FAM78B: variants seen among roughly 807,000 people sequenced by gnomAD.
FAM78B encodes protein FAM78B.
FAM78B carries 10 observed loss-of-function variants against 20.0 expected under a neutral mutation model. The ratio of observed to expected loss-of-function variants is 0.50; its 90% CI spans 0.31 to 0.85. The LOEUF (loss-of-function observed/expected upper bound fraction) is 0.85. Ranked by LOEUF, FAM78B falls within the 40% of genes least tolerant of loss-of-function variation. The pLI, the probability that FAM78B is intolerant of heterozygous loss-of-function variation, is 0.05. For synonymous variants in FAM78B, 135 were observed against 132.8 expected (o/e 1.02, Z -0.12); for missense variants, 283 against 345.0 (o/e 0.82, Z 1.42).
intron 1 of FAM78B, among the ~76,000 whole-genome samples, chr1:166,143,275 G>A (rs528723540): frequency 1.1e-4 from 17 of 152,238 alleles, no homozygotes; most frequent in African/African-American, 4.1e-4. Flanking sequence ...GGGCTCTGGG[G>A]AGATGCACAG....
chr1:166,082,108 C>T (rs924687855), intron 1 of FAM78B, among the ~76,000 whole-genome samples: 2 of 152,174 alleles, frequency 1.3e-5, no homozygotes, highest in African/African-American at 4.8e-5. Context: ...ATAAAATGTA[C>T]ATCAGGCCAT....
chr1:166,072,477 G>T (rs746409041), intron 1 of FAM78B, among the ~76,000 whole-genome samples: 2 of 152,170 alleles, frequency 1.3e-5, no homozygotes, highest in East Asian at 3.8e-4. Context: ...TTGCAGCTGG[G>T]GGGTAGTAGC....
intron 1 of FAM78B, among the ~76,000 whole-genome samples, chr1:166,077,128 C>T (rs1283175329): frequency 6.6e-6 from 1 of 152,076 alleles, no homozygotes; most frequent in Non-Finnish European, 1.5e-5. Flanking sequence ...TAAAGATATG[C>T]TGGTGGAAGC....
chr1:166,105,798 C>T (rs1254522705), intron 1 of FAM78B, among the ~76,000 whole-genome samples: 3 of 151,422 alleles, frequency 2.0e-5, no homozygotes, highest in South Asian at 2.1e-4. Flanking sequence ...GTCAGTGTGG[C>T]GATTCCTCAG....
chr1:166,122,911 T>C (rs1194022351), intron 1 of FAM78B, among the ~76,000 whole-genome samples: 7 of 152,152 alleles, frequency 4.6e-5, no homozygotes, highest in Admixed American at 4.6e-4. Context: ...TATTCACAGC[T>C]ATCTGAGGCC....
intron 1 of FAM78B, among the ~76,000 whole-genome samples, chr1:166,096,228 G>A (rs1653268967): frequency 6.6e-6 from 1 of 152,184 alleles, no homozygotes; most frequent in Non-Finnish European, 1.5e-5. Context: ...GAGAATATAA[G>A]TTTGGATTTC....
At chr1:166,079,402 T>G (rs1652476489) in intron 1 of FAM78B, among the ~76,000 whole-genome samples, 1 of 152,224 alleles carries the variant, frequency 6.6e-6, no homozygotes. Flanking sequence ...CTCCAGAGTC[T>G]ATTCAGGCCT....
At chr1:166,094,558 G>A (rs1201436109) in intron 1 of FAM78B, among the ~76,000 whole-genome samples, 2 of 152,180 alleles carry the variant, frequency 1.3e-5, no homozygotes, top group Non-Finnish European at 2.9e-5. Context: ...GATCTGTCAG[G>A]GCAGATGTTC....
intron 2 of FAM78B, among the ~76,000 whole-genome samples, chr1:166,061,405 C>A (rs1050527076): frequency 5.3e-5 from 8 of 151,928 alleles, no homozygotes; most frequent in African/African-American, 1.9e-4. Flanking sequence ...CAGGGATGTA[C>A]TGCTATAATG....
At chr1:166,121,799 C>G (rs1654473139) in intron 1 of FAM78B, among the ~76,000 whole-genome samples, 1 of 152,092 alleles carries the variant, frequency 6.6e-6, no homozygotes, top group Non-Finnish European at 1.5e-5. Flanking sequence ...AGCAACTTGC[C>G]CAAAGTCGTA....
rs12028297 is a variant in FAM78B, at chr1:166,076,617, T to G, written c.264-5854A>C. The stretch of plus-strand genomic sequence containing the variant: ...GCTAACGGTCTGTCTCCCCTCACCC[T>G]ACTCTCCAAATATAATCCCTAAGGC... On this transcript the variant is annotated intron_variant, in intron 1 of 1. Transcript: ENST00000354422. Among the ~76,000 whole-genome samples the G allele has an allele frequency of 2.0e-5, 3 of 152,318 alleles. No individual in the cohort carries two copies. The East Asian group carries it at 5.8e-4, about 29-fold the overall frequency.
At chr1:166,056,846 C>T (rs1651364070), downstream of FAM78B, among the ~76,000 whole-genome samples, 1 of 152,066 alleles carries the variant, frequency 6.6e-6, no homozygotes, top group African/African-American at 2.4e-5. Flanking sequence ...TATTTGTATC[C>T]CCCACAAATT....
intron 1 of FAM78B, among the ~76,000 whole-genome samples, chr1:166,152,844 A>AT (rs1655735829): frequency 6.6e-6 from 1 of 151,872 alleles, no homozygotes; most frequent in African/African-American, 2.4e-5. Context: ...CACCCAGCTA[A>AT]TTTTTGTATT....
rs538157614 is a variant in FAM78B, at chr1:166,070,176, C to T, written c.*65G>A. 3 of 1,441,928 alleles carry T rather than the reference C, an allele frequency of 2.1e-6. No individual in the cohort carries two copies. The highest frequency in any genetic ancestry group is 2.4e-5 in the Admixed American group (1 of 41,878). The allele number at this position is 1,441,928 out of a possible 1,614,324, so 89.3% of individuals were successfully genotyped here. ...CAGAAACTCTGTTTGGCTCCTGCCA[C>T]CCCTGGCACCCTCACTGCATGTCTC... is the stretch of plus-strand genomic sequence containing the variant. On this transcript the variant is annotated 3_prime_UTR_variant, in exon 2 of 2. Coordinates refer to ENST00000354422, the MANE Select transcript of FAM78B (RefSeq NM_001017961.5).
intron 1 of FAM78B, among the ~76,000 whole-genome samples, chr1:166,129,736 C>G (rs1414558115): frequency 6.6e-6 from 1 of 152,132 alleles, no homozygotes; most frequent in Non-Finnish European, 1.5e-5. Context: ...TTCTCCTGCA[C>G]TTTCTCTTCC....
chr1:166,122,213 G>A (rs1052314544), intron 1 of FAM78B, among the ~76,000 whole-genome samples: 2 of 152,078 alleles, frequency 1.3e-5, no homozygotes, highest in African/African-American at 4.8e-5. Context: ...TGAGGGCATC[G>A]GTGGTTTGAT....
intron 1 of FAM78B, among the ~76,000 whole-genome samples, chr1:166,158,794 G>A (rs1456922153): frequency 1.3e-5 from 2 of 152,234 alleles, no homozygotes; most frequent in Non-Finnish European, 2.9e-5. Context: ...TTCTGCTGCT[G>A]GTGTGCAGGC....
chr1:166,165,947 C>T (rs1252009421), intron 1 of FAM78B, 39 bp downstream of exon 1: 1 of 1,612,006 alleles, frequency 6.2e-7, no homozygotes, highest in Non-Finnish European at 8.5e-7. Flanking sequence ...GAGCTGGGGG[C>T]CCAGAGTCCG....
intron 1 of FAM78B, chr1:166,082,612 C>G (rs935182181): frequency 6.6e-6 from 1 of 152,270 alleles, no homozygotes; most frequent in Non-Finnish European, 1.5e-5. Flanking sequence ...CAGTTTTCCA[C>G]TAGACTGCAT....
Sources: allele counts gnomAD v4.1 joint callset (sites outside exome capture counted in the v4.1 genomes callset), GRCh38; gene constraint gnomAD v4.1.1; transcripts MANE v1.5; gene names NCBI Gene and HGNC (gene_info 2026-07-23, HGNC 2026-07-21).